TCERG1: variants seen among roughly 807,000 people sequenced by gnomAD.
TCERG1 encodes transcription elongation regulator 1.
TCERG1 carries 37 observed loss-of-function variants against 144.7 expected under a neutral mutation model. That is an observed-to-expected ratio of 0.26 (90% confidence interval 0.20 to 0.34). The LOEUF (loss-of-function observed/expected upper bound fraction) is 0.34, where lower values mean the gene tolerates loss of function less well. TCERG1 is among the 10% of genes least tolerant of loss of function. The pLI, the probability that TCERG1 is intolerant of heterozygous loss-of-function variation, is 1.00. For synonymous variants in TCERG1, 492 were observed against 458.2 expected (o/e 1.07, Z -0.94); for missense variants, 1,027 against 1,380.7 (o/e 0.74, Z 4.06).
intron 9 of TCERG1, among the ~76,000 whole-genome samples, chr5:146,475,250 T>C (rs1318790775): frequency 6.6e-6 from 1 of 152,234 alleles, no homozygotes; most frequent in Non-Finnish European, 1.5e-5. Flanking sequence ...CATTCCTGAA[T>C]TTCCTACAGA....
intron 1 of TCERG1, among the ~76,000 whole-genome samples, chr5:146,451,116 A>G (rs532499430): frequency 4.9e-4 from 75 of 152,246 alleles, no homozygotes; most frequent in African/African-American, 1.6e-3. Flanking sequence ...AGACTTTTTG[A>G]AAAAAGGAGA....
At chr5:146,472,607 CCT>C (rs1369522180) in intron 9 of TCERG1, among the ~76,000 whole-genome samples, 4 of 151,906 alleles carry the variant, frequency 2.6e-5, no homozygotes, top group Non-Finnish European at 5.9e-5. Context: ...GTCCATTTTC[CCT>C]GAGACACAAC....
intron 4 of TCERG1, among the ~76,000 whole-genome samples, chr5:146,460,930 T>C (rs1259451589): frequency 6.6e-6 from 1 of 152,198 alleles, no homozygotes; most frequent in African/African-American, 2.4e-5. Context: ...TACCAGTTTT[T>C]ATGGGAGACC....
chr5:146,485,150 T>A (rs538695952), intron 15 of TCERG1, among the ~76,000 whole-genome samples: 1 of 152,316 alleles, frequency 6.6e-6, no homozygotes, highest in South Asian at 2.1e-4. Flanking sequence ...ACACTGGCCC[T>A]GATATTACTT....
chr5:146,457,481 A>T, intron 3 of TCERG1, 146 bp downstream of exon 3: 1 of 786,612 alleles, frequency 1.3e-6, no homozygotes, highest in Non-Finnish European at 1.9e-6. Context: ...GGAGAAGCTG[A>T]CTGGATTTAG....
At chr5:146,466,020 CAAAAAA>C (rs57028887) in intron 5 of TCERG1, among the ~76,000 whole-genome samples, 1 of 82,064 alleles carries the variant, frequency 1.2e-5, no homozygotes. Flanking sequence ...AACTCTGTCT[CAAAAAA>C]AAAAAAAAAA....
chr5:146,492,796 A>G (rs1310746107), intron 15 of TCERG1, 124 bp from the exon 16 acceptor site: 1 of 659,874 alleles, frequency 1.5e-6, no homozygotes, highest in African/African-American at 1.9e-5. Flanking sequence ...TTATCTGTGT[A>G]TAATTATCTA....
rs1302536248 is a variant in TCERG1, at chr5:146,471,379, G to A, written c.1513-109G>A. 14 of 917,494 alleles carry A rather than the reference G, an allele frequency of 1.5e-5. No individual in the cohort carries two copies. The East Asian group carries it at 3.7e-4, about 24-fold the overall frequency. 56.8% of individuals were successfully genotyped at this position (917,494 alleles called of 1,614,324 possible). On this transcript the variant is annotated intron_variant, in intron 8 of 22. Coordinates refer to ENST00000679501, the MANE Select transcript of TCERG1 (RefSeq NM_001382548.1). ...CTACTCAGAGTCTCCTCTTATTCTA[G>A]CAGCAGATTTTGTGTTGATTGCACT...
chr5:146,482,560 T>A, intron 13 of TCERG1, 32 bp from the exon 14 acceptor site: 1 of 1,551,916 alleles, frequency 6.4e-7, no homozygotes, highest in Non-Finnish European at 8.7e-7. Context: ...TAATATTTTG[T>A]CAGTTGATGT....
chr5:146,461,360 AT>A (rs1184763645), intron 4 of TCERG1, among the ~76,000 whole-genome samples: 1 of 152,004 alleles, frequency 6.6e-6, no homozygotes, highest in Admixed American at 6.6e-5. Flanking sequence ...TTCTCCATCT[AT>A]TATATATAGT....
At chr5:146,502,539 T>G (rs1467136405) in intron 17 of TCERG1, among the ~76,000 whole-genome samples, 1 of 152,170 alleles carries the variant, frequency 6.6e-6, no homozygotes, top group African/African-American at 2.4e-5. Flanking sequence ...GAAATACAGT[T>G]TTGGAGAGGG....
At chr5:146,459,676 G>A (rs1365220834) in intron 4 of TCERG1, among the ~76,000 whole-genome samples, 2 of 152,184 alleles carry the variant, frequency 1.3e-5, no homozygotes, top group Non-Finnish European at 2.9e-5. Context: ...AATCGAGGAG[G>A]CAAGAATAAC....
At chr5:146,499,624 A>G (rs1376852295) in intron 17 of TCERG1, 2 of 152,206 alleles carry the variant, frequency 1.3e-5, no homozygotes, top group African/African-American at 4.8e-5. Flanking sequence ...TTATATGTTG[A>G]ATTAGAATCA....
intron 15 of TCERG1, among the ~76,000 whole-genome samples, chr5:146,490,141 T>C (rs1332695629): frequency 1.3e-5 from 2 of 152,190 alleles, no homozygotes; most frequent in Non-Finnish European, 2.9e-5. Context: ...CAAAAGGTTT[T>C]CTGCAATGCT....
intron 17 of TCERG1, among the ~76,000 whole-genome samples, chr5:146,502,478 A>C (rs1193144940): frequency 1.3e-5 from 2 of 152,228 alleles, no homozygotes; most frequent in Non-Finnish European, 2.9e-5. Flanking sequence ...TCAGACATAC[A>C]TAAAAATAAC....
At chr5:146,483,278 TA>T in intron 14 of TCERG1, among the ~76,000 whole-genome samples, 1 of 152,200 alleles carries the variant, frequency 6.6e-6, no homozygotes, top group African/African-American at 2.4e-5. Flanking sequence ...TACTGATTTT[TA>T]AAATGTCACA....
intron 16 of TCERG1, among the ~76,000 whole-genome samples, chr5:146,493,698 A>T (rs1766627474): frequency 6.6e-6 from 1 of 152,082 alleles, no homozygotes; most frequent in South Asian, 2.1e-4. Flanking sequence ...CTTACGTGAT[A>T]CCTGTTTTAT....
intron 22 of TCERG1, among the ~76,000 whole-genome samples, chr5:146,509,826 C>T (rs1004016340): frequency 6.6e-6 from 1 of 152,184 alleles, no homozygotes; most frequent in Non-Finnish European, 1.5e-5. Flanking sequence ...AACAATTTCG[C>T]ATTGCTTACC....
Position 146,507,475 on chromosome 5 carries a change from T to G in TCERG1, c.2961+268T>G, listed in dbSNP as rs1339201512. The G allele has an allele frequency of 1.1e-5, 4 of 367,030 alleles. No homozygotes were observed. The highest frequency in any genetic ancestry group is 8.9e-5 in the Admixed American group (2 of 22,358). The allele number at this position is 367,030 out of a possible 1,614,324, so 22.7% of individuals were successfully genotyped here. On this transcript the variant is annotated intron_variant, in intron 20 of 22. Transcript: ENST00000679501. This position sits in a 1 kb window ranked among gnomAD's most constrained non-coding sequence, Gnocchi z 4.6. ...TCAGTGATCCCTCCTAATAATAGATTTAGCAAATTTCTTCTTTTGATCCAT... is the reference window on the plus strand; with the variant it reads ...TCAGTGATCCCTCCTAATAATAGATGTAGCAAATTTCTTCTTTTGATCCAT...
Sources: gnomAD v4.1 joint callset for allele counts (sites outside exome capture counted in the v4.1 genomes callset) on GRCh38, gnomAD v4.1.1 for gene constraint, Gnocchi (gnomAD v3.1) non-coding constraint, MANE v1.5 for transcripts, NCBI Gene and HGNC (gene_info 2026-07-23, HGNC 2026-07-21) for gene names.